POMT1: variants seen among roughly 807,000 people sequenced by gnomAD.
POMT1 encodes protein O-mannosyltransferase 1.
In POMT1, 85 loss-of-function variants were observed where a neutral mutation model predicts 101.6. The ratio of observed to expected loss-of-function variants is 0.84; its 90% CI spans 0.70 to 1.00. POMT1 has a LOEUF of 1.00. Ranked by LOEUF, POMT1 falls within the 50% of genes least tolerant of loss-of-function variation. POMT1 has a pLI of 0.00. For synonymous variants in POMT1, 371 were observed against 383.0 expected (o/e 0.97, Z 0.37); for missense variants, 857 against 930.4 (o/e 0.92, Z 1.03).
At chr9:131,520,955 G>C (rs940025893) in intron 17 of POMT1, 1 of 343,938 alleles carries the variant, frequency 2.9e-6, no homozygotes. Context: ...CAGTTCTCCT[G>C]CCTCAGCCTC....
intron 9 of POMT1, 48 bp downstream of exon 9, chr9:131,510,463 T>C (rs753359332): frequency 6.3e-7 from 1 of 1,576,268 alleles, no homozygotes; most frequent in Middle Eastern, 1.7e-4. Flanking sequence ...AAGATGATAG[T>C]GGACCCAGAG....
At chr9:131,504,456 G>A in intron 2 of POMT1, 116 bp downstream of exon 2, 6 of 1,492,890 alleles carry the variant, frequency 4.0e-6, no homozygotes, top group Non-Finnish European at 5.5e-6. Context: ...GGTGATAGGT[G>A]TTTTTGGCAG....
intron 2 of POMT1, among the ~76,000 whole-genome samples, chr9:131,504,753 GTA>G (rs764265526): frequency 0.018 from 2,461 of 139,564 alleles, 33 homozygotes; most frequent in African/African-American, 0.026. Context: ...ATTAATGTGT[GTA>G]TGTGTGTGTG....
In POMT1 at chr9:131,519,481, C is replaced by T; in HGVS notation, c.1579C>T (p.Leu527=). 6.5e-7 allele frequency: 1 copy of T among 1,550,244 alleles called. No homozygotes were observed. Among genetic ancestry groups the T allele is most frequent in the Non-Finnish European group, 8.7e-7 (1 of 1,146,990 alleles). The change falls in exon 16 of 20, where the codon CTG becomes TTG. Residue 527 remains leucine (L), a synonymous_variant. Transcript: ENST00000402686. The surrounding 1 kb of genome is among the most constrained non-coding windows in gnomAD (Gnocchi z 4.3). ...NLSFMARFSE[L]QWRMLALRSD... ...CAGCTTCATGGCGAGATTCTCGGAGCTGCAGGTGAGGAGCGGCCAGGGGAA... is the reference window on the plus strand; with the variant it reads ...CAGCTTCATGGCGAGATTCTCGGAGTTGCAGGTGAGGAGCGGCCAGGGGAA...
rs1378968613 is a variant in POMT1, at chr9:131,509,890, C to CATGTCTT, written c.606-12_606-6dup. On this transcript the variant is annotated splice_polypyrimidine_tract_variant and intron_variant, in intron 7 of 19. Transcript: ENST00000402686. Reference sequence around the variant, plus strand: ...TGTCTCATGTTAACTCCATTTCTGTCATGTCTTTGCAGCATCAAGTACATG... The same window carrying CATGTCTT: ...TGTCTCATGTTAACTCCATTTCTGTCATGTCTTATGTCTTTGCAGCATCAAGTACATG... 2.5e-6 allele frequency: 4 copies of CATGTCTT among 1,614,200 alleles called. No individual in the cohort carries two copies. In the South Asian group the frequency reaches 4.4e-5, roughly 18 times the overall value.
chr9:131,506,076 T>C, intron 2 of POMT1, 38 bp from the exon 3 acceptor site: 1 of 1,611,478 alleles, frequency 6.2e-7, no homozygotes, highest in Non-Finnish European at 8.5e-7. Flanking sequence ...GTTAAGATTC[T>C]AATTGAATAT....
rs1264465367 is a variant in POMT1, at chr9:131,504,303, A to C, written c.85A>C (p.Ser29Arg). 6.2e-7 allele frequency: 1 copy of C among 1,614,120 alleles called. No individual in the cohort carries two copies. The highest frequency in any genetic ancestry group is 8.5e-7 in the Non-Finnish European group (1 of 1,180,032). ...GGCCCTGACTGGGATGGGGTTACTGAGCCGGCTGTGGCGACTCACCTACCC... is the reference window on the plus strand; with the variant it reads ...GGCCCTGACTGGGATGGGGTTACTGCGCCGGCTGTGGCGACTCACCTACCC... ...LVALTGMGLL[S>R]RLWRLTYPRA... The change falls in exon 2 of 20, where the codon AGC becomes CGC. Residue 29 changes from serine to arginine, a missense_variant. Coordinates refer to ENST00000402686, the MANE Select transcript of POMT1 (RefSeq NM_001077365.2).
At position 131,520,076 on chromosome 9, in the gene POMT1, C is replaced by T. The variant is rs1228606451; in HGVS notation, c.1585-4C>T. 3.7e-6 allele frequency: 6 copies of T among 1,612,400 alleles called. No homozygotes were observed. The East Asian group carries it at 8.9e-5, about 24-fold the overall frequency. On this transcript the variant is annotated splice_polypyrimidine_tract_variant and splice_region_variant and intron_variant, in intron 16 of 19. Coordinates refer to ENST00000402686, the MANE Select transcript of POMT1 (RefSeq NM_001077365.2). Reference sequence around the variant, plus strand: ...CAATCTCAGAGGCCTCTGCTTTGTTCCAGTGGAGGATGCTGGCGCTGAGAA... The same window carrying T: ...CAATCTCAGAGGCCTCTGCTTTGTTTCAGTGGAGGATGCTGGCGCTGAGAA...
rs1946853347 is a variant in POMT1 at position 131,510,388 on chromosome 9, G to A, written c.828G>A (p.Met276Ile). 6.2e-7 allele frequency: 1 copy of A among 1,614,200 alleles called. No individual in the cohort carries two copies. The highest frequency in any genetic ancestry group is 1.7e-5 in the Admixed American group (1 of 60,026). Residue 276 changes from methionine to isoleucine, a missense_variant, in exon 9 of 20, where the codon ATG becomes ATA. Met to Ile is a conservative substitution (Grantham distance 10). Coordinates refer to ENST00000402686, the MANE Select transcript of POMT1 (RefSeq NM_001077365.2). ...GCTCTGGGCCCCACGACCAAATCAT[G>A]TCCAGTGCCTTCCAGGCCAGCTTAG... is the stretch of plus-strand genomic sequence containing the variant. ...VFRSGPHDQI[M>I]SSAFQASLEG...
At chr9:131,518,320 C>A in intron 13 of POMT1, 125 bp from the exon 14 acceptor site, 1 of 881,092 alleles carries the variant, frequency 1.1e-6, no homozygotes, top group Non-Finnish European at 1.9e-6. Context: ...TAGCTTCCCT[C>A]ACTTGGGGAC....
At position 131,506,001 on chromosome 9, in the gene POMT1, G is replaced by A. The variant is rs2131585864; in HGVS notation, c.123-113G>A. On this transcript the variant is annotated intron_variant, in intron 2 of 19. Coordinates refer to ENST00000402686, the MANE Select transcript of POMT1 (RefSeq NM_001077365.2). ...AATTGGGGCAAAAGATCCAGCCTTTGCTGATCACTCACTCAAAGTCATTTG... is the reference window on the plus strand; with the variant it reads ...AATTGGGGCAAAAGATCCAGCCTTTACTGATCACTCACTCAAAGTCATTTG... 2.8e-6 allele frequency: 4 copies of A among 1,420,008 alleles called. No homozygotes were observed. In the South Asian group the frequency reaches 4.8e-5, roughly 17 times the overall value. 88.0% of individuals were successfully genotyped at this position (1,420,008 alleles called of 1,614,324 possible). A position where few individuals can be genotyped will look rare whatever the true frequency, so the allele number is the denominator to read the frequency against.
chr9:131,515,982 ACACT>A (rs1279608891), intron 13 of POMT1, among the ~76,000 whole-genome samples: 2 of 9,776 alleles, frequency 2.0e-4, no homozygotes, highest in African/African-American at 3.5e-4. Flanking sequence ...ACTTCCTCTC[ACACT>A]CACACGGAGC....
chr9:131,519,303 C>T lies in POMT1; in HGVS notation c.1487-86C>T. On this transcript the variant is annotated intron_variant, in intron 15 of 19. Coordinates refer to ENST00000402686, the MANE Select transcript of POMT1 (RefSeq NM_001077365.2). The surrounding 1 kb of genome is among the most constrained non-coding windows in gnomAD (Gnocchi z 4.3). Reference sequence around the variant, plus strand: ...GGTCTTTGTTAGAAAGGCAGGAAGCCAGCTTTTTGCTGCACTGACAGCTTC... The same window carrying T: ...GGTCTTTGTTAGAAAGGCAGGAAGCTAGCTTTTTGCTGCACTGACAGCTTC... 1.5e-6 allele frequency: 2 copies of T among 1,354,620 alleles called. No homozygotes were observed. The highest frequency in any genetic ancestry group is 1.4e-5 in the African/African-American group (1 of 69,344). The allele number at this position is 1,354,620 out of a possible 1,614,324, so 83.9% of individuals were successfully genotyped here. A position where few individuals can be genotyped will look rare whatever the true frequency, so the allele number is the denominator to read the frequency against.
At chr9:131,510,977 AGT>A in intron 9 of POMT1, 2 of 263,352 alleles carry the variant, frequency 7.6e-6, no homozygotes, top group South Asian at 5.0e-5. Context: ...GCCGACGGCC[AGT>A]GCTGTAGTGC....
At chr9:131,509,122 A>C (rs1946517226) in intron 6 of POMT1, 100 bp downstream of exon 6, 1 of 846,130 alleles carries the variant, frequency 1.2e-6, no homozygotes, top group African/African-American at 1.7e-5. Context: ...TCGTTTTGTG[A>C]GACAGTACCT....
chr9:131,521,970 T>C (rs1950020596), intron 18 of POMT1, 77 bp from the exon 19 acceptor site: 1 of 1,602,582 alleles, frequency 6.2e-7, no homozygotes, highest in Non-Finnish European at 8.5e-7. Context: ...GAACCCTCTC[T>C]CTAAAAAAGC....
In POMT1 at chr9:131,519,986, G is replaced by A. The variant is rs761727371; in HGVS notation, c.1585-94G>A. 1.1e-4 allele frequency: 103 copies of A among 931,312 alleles called. No homozygotes were observed. The highest frequency in any genetic ancestry group is 1.4e-4 in the Non-Finnish European group (84 of 584,114). The allele number at this position is 931,312 out of a possible 1,614,324, so 57.7% of individuals were successfully genotyped here. ...ATGAACTTGAGCTGGGCCAGTCCAC[G>A]TGCAAGGGGCAGCAGTGTACTCCTT... On this transcript the variant is annotated intron_variant, in intron 16 of 19. Transcript: ENST00000402686. The surrounding 1 kb of genome is among the most constrained non-coding windows in gnomAD (Gnocchi z 4.3).
rs896269640 is a variant in POMT1 at position 131,522,916 on chromosome 9, G to A, written c.2004-16G>A. ...GTGGTCAGCCACCCTCCCCCACGCTGCTCTGACCTCTGCAGGTCCCAGCTC... is the reference window on the plus strand; with the variant it reads ...GTGGTCAGCCACCCTCCCCCACGCTACTCTGACCTCTGCAGGTCCCAGCTC... On this transcript the variant is annotated splice_polypyrimidine_tract_variant and intron_variant, in intron 19 of 19. Transcript: ENST00000402686. This position sits in a 1 kb window ranked among gnomAD's most constrained non-coding sequence, Gnocchi z 5.5. 6.3e-7 allele frequency: 1 copy of A among 1,574,872 alleles called. No individual in the cohort carries two copies. The highest frequency in any genetic ancestry group is 1.1e-5 in the South Asian group (1 of 87,416).
intron 6 of POMT1, 66 bp downstream of exon 6, chr9:131,509,088 G>T: frequency 8.7e-7 from 1 of 1,153,730 alleles, no homozygotes; most frequent in East Asian, 2.3e-5. Flanking sequence ...GTTGATCTGA[G>T]ATGGTCCAGT....
Sources: gnomAD v4.1 joint callset for allele counts (sites outside exome capture counted in the v4.1 genomes callset) on GRCh38, gnomAD v4.1.1 for gene constraint, Gnocchi (gnomAD v3.1) non-coding constraint, MANE v1.5 for transcripts, NCBI Gene and HGNC (gene_info 2026-07-23, HGNC 2026-07-21) for gene names.